Variants in CDAN1 observed in about 807,000 individuals in gnomAD.
The protein encoded by CDAN1 is codanin-1.
CDAN1 carries 107 observed loss-of-function variants against 139.8 expected under a neutral mutation model. That is an observed-to-expected ratio of 0.77 (90% CI 0.65 to 0.90). CDAN1 has a LOEUF of 0.90. Ranked by LOEUF, CDAN1 falls within the 40% of genes least tolerant of loss-of-function variation. The pLI is 0.00. For missense variants in CDAN1, 1,667 were observed against 1,575.7 expected, an observed-to-expected ratio of 1.06 and a Z score of -0.98; for synonymous variants, 776 against 660.6, an observed-to-expected ratio of 1.17 and a Z score of -2.68.
At chr15:42,728,075 G>A in intron 21 of CDAN1, 42 bp from the exon 22 acceptor site, 1 of 1,604,130 alleles carries the variant, frequency 6.2e-7, no homozygotes, top group South Asian at 1.1e-5. Flanking sequence ...GGGGAGGGCT[G>A]GGTGCAACAA....
Position 42,730,820 on chromosome 15 carries a change from C to T in CDAN1, c.2008-56G>A. On this transcript the variant is annotated intron_variant, in intron 13 of 27. Coordinates refer to ENST00000356231, the MANE Select transcript of CDAN1 (RefSeq NM_138477.4). ...GGTCCCTAGGAAGGGCTGGGAGATG[C>T]CCTTTAACCTGCCTGGTTTCCAGAA... is the stretch of plus-strand genomic sequence containing the variant. 3 of 1,613,022 alleles carry T rather than the reference C, an allele frequency of 1.9e-6. No homozygotes were observed. In the South Asian group the frequency reaches 3.3e-5, roughly 18 times the overall value.
chr15:42,734,484 A>T (rs779649001), intron 6 of CDAN1, 138 bp from the exon 7 acceptor site: 4 of 1,038,576 alleles, frequency 3.9e-6, no homozygotes, highest in Non-Finnish European at 5.8e-6. Flanking sequence ...GTCATGGGCC[A>T]AGGATCAAAG....
intron 14 of CDAN1, 95 bp from the exon 15 acceptor site, chr15:42,730,310 C>CCTTT: frequency 8.5e-7 from 1 of 1,178,410 alleles, no homozygotes; most frequent in Non-Finnish European, 1.3e-6. Context: ...AAAAGCAGAA[C>CCTTT]TAAAAGGGAC....
chr15:42,732,471 G>C (rs1447677339), intron 9 of CDAN1, 63 bp from the exon 10 acceptor site: 1 of 1,483,732 alleles, frequency 6.7e-7, no homozygotes, highest in Non-Finnish European at 9.4e-7. Context: ...AGATCTGAGA[G>C]AAGCAGCCAA....
rs1202230964 is a variant in CDAN1, at chr15:42,731,285, G to A, written c.1786C>T (p.Gln596Ter). Residue 596 changes from glutamine (Q) to a stop codon, truncating the protein, a stop_gained, in exon 12 of 28, where the codon CAG (glutamine) becomes TAG (stop). Transcript: ENST00000356231. LOFTEE classifies it high-confidence loss of function. Reference sequence around the variant, plus strand: ...GGCAGGGCAAGACCATTGAGCTCCTGGATCTTCAAGCTCAGACTGTCCATG... The same window carrying A: ...GGCAGGGCAAGACCATTGAGCTCCTAGATCTTCAAGCTCAGACTGTCCATG... The part of the protein sequence containing the change: ...HLMDSLSLKI[Q>*]ELNGLALPQH... 3 of 1,614,082 alleles carry A rather than the reference G, an allele frequency of 1.9e-6. No individual in the cohort carries two copies. The highest frequency in any genetic ancestry group is 1.3e-5 in the African/African-American group (1 of 75,024).
Position 42,736,331 on chromosome 15 carries a change from G to T in CDAN1, c.540C>A (p.Pro180=). Residue 180 remains proline (P), a synonymous_variant, in exon 2 of 28, where the codon CCC becomes CCA. Transcript: ENST00000356231. The stretch of plus-strand genomic sequence containing the variant: ...TAGGGCCGGGGGGAACCGAGCCTAC[G>T]GGAGGGAACTCCTCCAGGTTGCTGA... The part of the protein sequence containing the change: ...PNLSNLEEFP[P]VGSVPPGPTG... 1 of 1,613,814 alleles carries T rather than the reference G, an allele frequency of 6.2e-7. No individual in the cohort carries two copies. The highest frequency in any genetic ancestry group is 8.5e-7 in the Non-Finnish European group (1 of 1,179,936).
At chr15:42,727,903 C>T in intron 22 of CDAN1, 52 bp downstream of exon 22, 1 of 1,603,354 alleles carries the variant, frequency 6.2e-7, no homozygotes, top group Non-Finnish European at 8.5e-7. Flanking sequence ...GACTCTCTGC[C>T]AGTCCACTTT....
In CDAN1 at chr15:42,730,922, C is replaced by A. The variant is rs2061602330; in HGVS notation, c.2007+3G>T. On this transcript the variant is annotated splice_donor_region_variant and intron_variant, in intron 13 of 27. Coordinates refer to ENST00000356231, the MANE Select transcript of CDAN1 (RefSeq NM_138477.4). ...TCCTCACCAGAATCCCCCGCCCATTCACCTGGCTCCTGAGGGCCAGAATGG... is the reference window on the plus strand; with the variant it reads ...TCCTCACCAGAATCCCCCGCCCATTAACCTGGCTCCTGAGGGCCAGAATGG... 1 of 1,614,206 alleles carries A rather than the reference C, an allele frequency of 6.2e-7. No individual in the cohort carries two copies.
intron 7 of CDAN1, 36 bp downstream of exon 7, chr15:42,734,190 G>T: frequency 1.2e-6 from 2 of 1,614,018 alleles, no homozygotes; most frequent in Non-Finnish European, 1.7e-6. Context: ...GAAGGGTTAG[G>T]TCCAGGCTAG....
chr15:42,732,762 A>G (rs1383712015), intron 9 of CDAN1, among the ~76,000 whole-genome samples: 1 of 152,100 alleles, frequency 6.6e-6, no homozygotes, highest in Non-Finnish European at 1.5e-5. Context: ...GACTTGCCCA[A>G]ATTAGAGGAT....
Position 42,724,475 on chromosome 15 carries a change from G to A in CDAN1, c.*16C>T. The A allele has an allele frequency of 6.3e-7, 1 of 1,575,706 alleles. No homozygotes were observed. Among genetic ancestry groups the A allele is most frequent in the Non-Finnish European group, 8.6e-7 (1 of 1,159,726 alleles). Reference sequence around the variant, plus strand: ...GGGTTCTGGTGCAATGCCCAAGGCAGGGCCACTTCTCAGCCCTAGCTCTGG... The same window carrying A: ...GGGTTCTGGTGCAATGCCCAAGGCAAGGCCACTTCTCAGCCCTAGCTCTGG... On this transcript the variant is annotated 3_prime_UTR_variant, in exon 28 of 28. Transcript: ENST00000356231.
At chr15:42,730,317 G>A in intron 14 of CDAN1, 102 bp from the exon 15 acceptor site, 2 of 1,137,558 alleles carry the variant, frequency 1.8e-6, no homozygotes, top group Admixed American at 3.4e-5. Context: ...GAACTAAAAG[G>A]GACTGGGGCC....
chr15:42,735,607 C>T lies in CDAN1; in HGVS notation c.846G>A (p.Arg282=). ...TPELGSPLPS[R]TGSLTDEPAD... is the part of the protein sequence containing the mutation. ...CAGGTTCATCTGTGAGGCTTCCTGT[C>T]CGGCTGGGGAGGGGCGACCCCAATT... The change falls in exon 4 of 28, where the codon CGG becomes CGA. Residue 282 remains arginine (R), a synonymous_variant. Coordinates refer to ENST00000356231, the MANE Select transcript of CDAN1 (RefSeq NM_138477.4). The T allele has an allele frequency of 6.2e-7, 1 of 1,614,192 alleles. No homozygotes were observed. Among genetic ancestry groups the T allele is most frequent in the Non-Finnish European group, 8.5e-7 (1 of 1,180,036 alleles).
Position 42,727,682 on chromosome 15 carries a change from C to T in CDAN1, c.3035G>A (p.Gly1012Asp), listed in dbSNP as rs757516734. 9.5e-6 allele frequency: 15 copies of T among 1,585,578 alleles called. No homozygotes were observed. The highest frequency in any genetic ancestry group is 1.2e-5 in the Non-Finnish European group (14 of 1,162,518). ...PEPAARGERR[G>D]CSRACEHHAP... ...ATGGTGCTCACAGGCGCGGGAGCAG[C>T]CCCTCCGCTCCCCCCGGGCAGCAGG... Residue 1012 changes from glycine (G) to aspartate (D), a missense_variant, in exon 23 of 28, where the codon GGC becomes GAC. Physicochemically the swap from Gly to Asp is moderately conservative, Grantham distance 94. This residue lies in a region of CDAN1 where 936 missense variants were observed against 844.1 expected (regional missense o/e 1.11). Transcript: ENST00000356231.
chr15:42,725,865 C>T (rs1392357796), intron 25 of CDAN1, among the ~76,000 whole-genome samples, 195 bp from the exon 26 acceptor site: 3 of 151,448 alleles, frequency 2.0e-5, no homozygotes, highest in Non-Finnish European at 2.9e-5. Flanking sequence ...CACCTGTAGT[C>T]CCAGCTACTT....
rs772576335 is a variant in CDAN1 at position 42,732,386 on chromosome 15, C to T, written c.1480G>A (p.Ala494Thr). The T allele has an allele frequency of 1.5e-5, 24 of 1,613,720 alleles. No individual in the cohort carries two copies. Among genetic ancestry groups the T allele is most frequent in the South Asian group, 7.7e-5 (7 of 91,060 alleles). Residue 494 changes from alanine (A) to threonine (T), a missense_variant, in exon 10 of 28, where the codon GCA becomes ACA. Around this residue, in one of 3 missense-constraint regions of CDAN1, gnomAD observed 244 missense variants for 309.4 expected, o/e 0.79. Coordinates refer to ENST00000356231, the MANE Select transcript of CDAN1 (RefSeq NM_138477.4). ...ACAAAGTGGCTGTGGCTGCAGGCTGCGGAGAGCTGACCCATCATGGCCCTG... is the reference window on the plus strand; with the variant it reads ...ACAAAGTGGCTGTGGCTGCAGGCTGTGGAGAGCTGACCCATCATGGCCCTG... ...RIRAMMGQLS[A>T]ACSHSHFVRL...
intron 27 of CDAN1, 191 bp downstream of exon 27, chr15:42,724,953 G>T: frequency 1.5e-6 from 1 of 660,682 alleles, no homozygotes. Flanking sequence ...CTAACTGCCT[G>T]CCTTTCGTCC....
chr15:42,728,791 G>C lies in CDAN1; in HGVS notation c.2665C>G (p.Leu889Val). Residue 889 changes from leucine to valine, a missense_variant, in exon 20 of 28, where the codon CTG becomes GTG. Around this residue, in one of 3 missense-constraint regions of CDAN1, gnomAD observed 936 missense variants for 844.1 expected, o/e 1.11. Transcript: ENST00000356231. ...KHIKATLVAD[L>V]VRQAESLLQE... ...AGAAGTGACTCTGCCTGGCGCACCA[G>C]ATCTGCCACCAGTGTAGCCCTGCAG... 2 of 1,614,236 alleles carry C rather than the reference G, an allele frequency of 1.2e-6. No individual in the cohort carries two copies. Among genetic ancestry groups the C allele is most frequent in the Non-Finnish European group, 1.7e-6 (2 of 1,180,042 alleles).
rs1326284182 is a variant in CDAN1, at chr15:42,731,795, TGCCCCCAGC to T, written c.1555_1563del (p.Ala519_Gly521del). 9.9e-6 allele frequency: 16 copies of T among 1,613,904 alleles called. No homozygotes were observed. Among genetic ancestry groups the T allele is most frequent in the Non-Finnish European group, 1.3e-5 (15 of 1,179,970 alleles). ...ACATCTGGGGCCTCGCCCAAGACGG[TGCCCCCAGC>T]ACCACCAGGGCTCTGACACATCTAG... On this transcript the variant is annotated inframe_deletion, in exon 11 of 28. Coordinates refer to ENST00000356231, the MANE Select transcript of CDAN1 (RefSeq NM_138477.4).
Sources: allele counts gnomAD v4.1 joint callset (sites outside exome capture counted in the v4.1 genomes callset), GRCh38; gene constraint gnomAD v4.1.1; regional missense constraint gnomAD v4.1.1; transcripts MANE v1.5; gene names NCBI Gene and HGNC (gene_info 2026-07-23, HGNC 2026-07-21).